CHD7: variants seen among roughly 807,000 people sequenced by gnomAD.
CHD7 encodes chromodomain helicase DNA binding protein 7.
CHD7 carries 24 observed loss-of-function variants against 307.3 expected under a neutral mutation model. The ratio of observed to expected loss-of-function variants is 0.08; its 90% CI spans 0.06 to 0.11. The LOEUF is 0.11. CHD7 is among the 10% of genes least tolerant of loss of function. CHD7 has a pLI of 1.00. For synonymous variants in CHD7, 1,363 were observed against 1,349.9 expected (o/e 1.01, Z -0.21); for missense variants, 3,106 against 3,727.1 (o/e 0.83, Z 4.34).
chr8:60,713,214 C>G (rs1465551273), intron 1 of CHD7, among the ~76,000 whole-genome samples: 1 of 151,934 alleles, frequency 6.6e-6, no homozygotes, highest in South Asian at 2.1e-4. Context: ...TGGGTTCAAG[C>G]GATTCTCCTG....
At position 60,678,811 on chromosome 8, in the gene CHD7, C is replaced by CGGCGGCGGCGGCGGCGGCG; in HGVS notation, c.-445_-444insGCGGCGGCGGCGGCGGCGG. On this transcript the variant is annotated 5_prime_UTR_variant, in exon 1 of 38. Transcript: ENST00000423902. ...GCGGCAGCGGCGGCGGCGGCGGCGG[C>CGGCGGCGGCGGCGGCGGCG]GCGGGGGTTGAGTCGTGGTGGTGCG... 1 of 146,726 alleles carries CGGCGGCGGCGGCGGCGGCG rather than the reference C, an allele frequency of 6.8e-6. No individual in the cohort carries two copies. The highest frequency in any genetic ancestry group is 1.5e-5 in the Non-Finnish European group (1 of 66,664). 9.1% of individuals were successfully genotyped at this position (146,726 alleles called of 1,614,324 possible).
chr8:60,706,213 C>T (rs115412851), intron 1 of CHD7, among the ~76,000 whole-genome samples: 1 of 151,932 alleles, frequency 6.6e-6, no homozygotes, highest in Non-Finnish European at 1.5e-5. Flanking sequence ...CTTGCTGATT[C>T]ATATTTTTTT....
Position 60,801,631 on chromosome 8 carries a change from A to T in CHD7, c.2442+38A>T, listed in dbSNP as rs41272438. 41,703 of 1,320,496 alleles carry T rather than the reference A, an allele frequency of 0.032. 755 individuals are homozygous for T. The highest frequency in any genetic ancestry group is 0.036 in the Non-Finnish European group (34,155 of 936,128). The allele number at this position is 1,320,496 out of a possible 1,614,324, so 81.8% of individuals were successfully genotyped here. On this transcript the variant is annotated intron_variant, in intron 6 of 37. Coordinates refer to ENST00000423902, the MANE Select transcript of CHD7 (RefSeq NM_017780.4). ...GGAGCCATTAAAATCTGTGAGGTGT[A>T]TGTGACTCTTACAGGATTGTTGGCT...
At chr8:60,854,821 CTA>C (rs1459840280) in intron 32 of CHD7, among the ~76,000 whole-genome samples, 7 of 152,156 alleles carry the variant, frequency 4.6e-5, no homozygotes. Flanking sequence ...CCCCCGTTGT[CTA>C]GCATAATGTA....
chr8:60,755,119 A>G (rs1563573017), intron 2 of CHD7, among the ~76,000 whole-genome samples: 1 of 152,292 alleles, frequency 6.6e-6, no homozygotes, highest in Admixed American at 6.5e-5. Context: ...TAAGATTTTT[A>G]TAATGCTTCT....
At chr8:60,851,649 T>C (rs1805460826) in intron 28 of CHD7, among the ~76,000 whole-genome samples, 1 of 152,248 alleles carries the variant, frequency 6.6e-6, no homozygotes, top group South Asian at 2.1e-4. Context: ...TTTCAGTTTA[T>C]TTAGAATATT....
intron 1 of CHD7, among the ~76,000 whole-genome samples, chr8:60,719,293 G>C (rs1448474917): frequency 6.6e-6 from 1 of 152,174 alleles, no homozygotes; most frequent in African/African-American, 2.4e-5. Flanking sequence ...AGATGAGTAG[G>C]CTGAAAATAT....
intron 34 of CHD7, among the ~76,000 whole-genome samples, chr8:60,858,196 C>T (rs1314012595): frequency 1.3e-5 from 2 of 152,206 alleles, no homozygotes; most frequent in East Asian, 1.9e-4. Context: ...GCGGAGGTTG[C>T]AGTGAATCGA....
chr8:60,761,371 C>T (rs62526483), intron 2 of CHD7, among the ~76,000 whole-genome samples: 2,830 of 149,710 alleles, frequency 0.019, 53 homozygotes, highest in African/African-American at 0.042. Context: ...AGGGATAGCA[C>T]TGGGAGATAT....
chr8:60,852,293 C>A, intron 29 of CHD7, 46 bp downstream of exon 29: 1 of 1,531,376 alleles, frequency 6.5e-7, no homozygotes, highest in South Asian at 1.2e-5. Context: ...ACATGCCCCT[C>A]TGCCCTGCTC....
At chr8:60,731,291 ATCT>A (rs1808444950) in intron 1 of CHD7, among the ~76,000 whole-genome samples, 1 of 152,264 alleles carries the variant, frequency 6.6e-6, no homozygotes, top group African/African-American at 2.4e-5. Flanking sequence ...GTAAGAATGA[ATCT>A]TCTATCAGTT....
At chr8:60,843,097 A>C (rs1248284197) in intron 21 of CHD7, among the ~76,000 whole-genome samples, 1 of 152,114 alleles carries the variant, frequency 6.6e-6, no homozygotes, top group Admixed American at 6.5e-5. Flanking sequence ...TGTTGTTTAC[A>C]ATTTTTGAGT....
At chr8:60,853,592 A>G in intron 31 of CHD7, 92 bp downstream of exon 31, 1 of 983,132 alleles carries the variant, frequency 1.0e-6, no homozygotes, top group Non-Finnish European at 1.5e-6. Flanking sequence ...GCTCTTTTTC[A>G]CGAGTACTTA....
intron 1 of CHD7, among the ~76,000 whole-genome samples, chr8:60,729,815 A>T (rs1183162397): frequency 6.6e-6 from 1 of 152,214 alleles, no homozygotes; most frequent in Non-Finnish European, 1.5e-5. Flanking sequence ...TGCTAACTTG[A>T]CATGTACTTA....
At chr8:60,824,555 C>T (rs1266149721) in intron 13 of CHD7, 1 of 153,650 alleles carries the variant, frequency 6.5e-6, no homozygotes, top group Non-Finnish European at 1.4e-5. Context: ...AGCTTTACTT[C>T]AGTGATGATA....
At chr8:60,847,589 GGCT>G (rs1805270005) in intron 23 of CHD7, among the ~76,000 whole-genome samples, 1 of 152,214 alleles carries the variant, frequency 6.6e-6, no homozygotes, top group African/African-American at 2.4e-5. Flanking sequence ...TGGCCAAGAA[GGCT>G]GCGATTCACG....
At chr8:60,795,321 CAA>C (rs1223431750) in intron 4 of CHD7, among the ~76,000 whole-genome samples, 194 bp downstream of exon 4, 1 of 152,106 alleles carries the variant, frequency 6.6e-6, no homozygotes, top group African/African-American at 2.4e-5. Context: ...ATACTCCTGA[CAA>C]GAGTGGCTTG....
intron 2 of CHD7, among the ~76,000 whole-genome samples, chr8:60,761,865 C>G (rs1169669241): frequency 6.6e-6 from 1 of 152,250 alleles, no homozygotes; most frequent in African/African-American, 2.4e-5. Flanking sequence ...GTAAGATCTT[C>G]AGGAGCCCTT....
intron 7 of CHD7, among the ~76,000 whole-genome samples, 160 bp downstream of exon 7, chr8:60,808,432 A>G (rs1206995507): frequency 6.6e-6 from 1 of 152,172 alleles, no homozygotes; most frequent in Non-Finnish European, 1.5e-5. Context: ...TATGTTTGAT[A>G]TTTTATGAAT....
Sources: gnomAD v4.1 joint callset for allele counts (sites outside exome capture counted in the v4.1 genomes callset) on GRCh38, gnomAD v4.1.1 for gene constraint, MANE v1.5 for transcripts, NCBI Gene and HGNC (gene_info 2026-07-23, HGNC 2026-07-21) for gene names.